MTHFS: variants seen among roughly 807,000 people sequenced by gnomAD.
MTHFS encodes methenyltetrahydrofolate synthetase, also known as 5-formyltetrahydrofolate cyclo-ligase.
Under a neutral mutation model 12.7 loss-of-function variants are expected in MTHFS, and 7 were observed. The observed-to-expected ratio is 0.55, with a 90% CI of 0.31 to 1.03. MTHFS has a LOEUF of 1.03. Among genes scored for constraint, MTHFS ranks in the 50% least tolerant of loss-of-function variants. The pLI, the probability that MTHFS is intolerant of heterozygous loss-of-function variation, is 0.05. For missense variants in MTHFS, 252 were observed against 258.1 expected, an observed-to-expected ratio of 0.98 and a Z score of 0.16; for synonymous variants, 100 against 97.1, an observed-to-expected ratio of 1.03 and a Z score of -0.18.
At chr15:79,869,659 C>T (rs2034069942) in intron 2 of MTHFS, among the ~76,000 whole-genome samples, 1 of 152,124 alleles carries the variant, frequency 6.6e-6, no homozygotes, top group Non-Finnish European at 1.5e-5. Flanking sequence ...GTCTTAAATT[C>T]CTGGGCTCAA....
intron 1 of MTHFS, among the ~76,000 whole-genome samples, chr15:79,893,337 G>A (rs1729437665): frequency 6.6e-6 from 1 of 151,510 alleles, no homozygotes; most frequent in East Asian, 2.0e-4. Flanking sequence ...GGGAGGCGAA[G>A]GTTGCAGTGA....
intron 1 of MTHFS, among the ~76,000 whole-genome samples, chr15:79,893,706 A>AG (rs2034515956): frequency 6.6e-6 from 1 of 151,840 alleles, no homozygotes; most frequent in African/African-American, 2.4e-5. Flanking sequence ...TCAAAAAAAA[A>AG]AAAAAAAGGA....
At chr15:79,874,277 G>A (rs896764341) in intron 2 of MTHFS, among the ~76,000 whole-genome samples, 1 of 151,926 alleles carries the variant, frequency 6.6e-6, no homozygotes, top group African/African-American at 2.4e-5. Flanking sequence ...TTTATTCTCT[G>A]TAAGAACAGT....
chr15:79,885,101 C>A (rs1459408309), intron 2 of MTHFS, among the ~76,000 whole-genome samples: 1 of 152,126 alleles, frequency 6.6e-6, no homozygotes, highest in Non-Finnish European at 1.5e-5. Context: ...CGCCATGCAA[C>A]CCTAACAAAG....
At chr15:79,882,571 A>G (rs915407270) in intron 2 of MTHFS, among the ~76,000 whole-genome samples, 8 of 152,218 alleles carry the variant, frequency 5.3e-5, no homozygotes, top group Non-Finnish European at 1.0e-4. Context: ...AGGGCCCAGC[A>G]GCTACCTCAG....
chr15:79,849,108 AC>A (rs1447964326), intron 2 of MTHFS, among the ~76,000 whole-genome samples: 4 of 152,214 alleles, frequency 2.6e-5, no homozygotes, highest in Admixed American at 6.5e-5. Flanking sequence ...AGGCTCGGAA[AC>A]AGCCCTTCCT....
intron 2 of MTHFS, among the ~76,000 whole-genome samples, chr15:79,868,035 T>G (rs1312907312): frequency 6.6e-6 from 1 of 152,208 alleles, no homozygotes; most frequent in Non-Finnish European, 1.5e-5. Context: ...TTTTTTATTT[T>G]GAGCGAGGTC....
chr15:79,854,500 T>C (rs559207207), intron 2 of MTHFS, among the ~76,000 whole-genome samples: 33 of 152,282 alleles, frequency 2.2e-4, no homozygotes, highest in African/African-American at 7.7e-4. Flanking sequence ...ACTAAGCAAG[T>C]AGAAAAGATA....
rs114216537 is a variant in MTHFS at position 79,886,401 on chromosome 15, C to T, written c.379+2692G>A. ...CAAACATTTCTATAAACAACAACAG[C>T]GAGCTTTGACCCCAGACTGAAGTTT... On this transcript the variant is annotated intron_variant, in intron 2 of 2. Coordinates refer to ENST00000258874, the MANE Select transcript of MTHFS (RefSeq NM_006441.4). 3.3e-3 allele frequency among the ~76,000 whole-genome samples: 501 copies of T among 152,288 alleles called. 4 individuals carry two copies. Among genetic ancestry groups the T allele is most frequent in the African/African-American group, 0.012 (479 of 41,558 alleles).
At chr15:79,861,883 A>C (rs1279288483) in intron 2 of MTHFS, among the ~76,000 whole-genome samples, 1 of 152,220 alleles carries the variant, frequency 6.6e-6, no homozygotes, top group East Asian at 1.9e-4. Flanking sequence ...AAGGATACAA[A>C]TATATATATC....
chr15:79,846,816 A>G (rs1164028984), intron 2 of MTHFS, among the ~76,000 whole-genome samples: 1 of 152,208 alleles, frequency 6.6e-6, no homozygotes, highest in Non-Finnish European at 1.5e-5. Context: ...TTCTGTTGCC[A>G]GAGCACCATC....
chr15:79,882,021 C>CA (rs1462067460), intron 2 of MTHFS, among the ~76,000 whole-genome samples: 1 of 152,202 alleles, frequency 6.6e-6, no homozygotes, highest in African/African-American at 2.4e-5. Flanking sequence ...AAAATGCCTA[C>CA]AATGGCATGT....
intron 2 of MTHFS, among the ~76,000 whole-genome samples, chr15:79,863,619 G>A (rs921434186): frequency 5.3e-5 from 8 of 152,136 alleles, no homozygotes; most frequent in African/African-American, 1.9e-4. Flanking sequence ...ACCTTCCCTG[G>A]TAGTTATGTA....
chr15:79,868,806 CTT>C (rs779907066), intron 2 of MTHFS, among the ~76,000 whole-genome samples: 30 of 152,212 alleles, frequency 2.0e-4, no homozygotes, highest in Non-Finnish European at 4.1e-4. Context: ...AGACAGCAGA[CTT>C]TGAGACTTCT....
At position 79,896,932 on chromosome 15, in the gene MTHFS, C is replaced by G; in HGVS notation, c.57G>C (p.Gln19His). 1 of 1,540,550 alleles carries G rather than the reference C, an allele frequency of 6.5e-7. No individual in the cohort carries two copies. The highest frequency in any genetic ancestry group is 8.7e-7 in the Non-Finnish European group (1 of 1,146,028). The change falls in exon 1 of 3, where the codon CAG becomes CAC. Residue 19 changes from glutamine to histidine, a missense_variant. Physicochemically the swap from Gln to His is conservative, Grantham distance 24. Transcript: ENST00000258874. ...AKRSLRGELKQRLRAMSAEER... is the reference protein window; with the variant it reads ...AKRSLRGELKHRLRAMSAEER... The stretch of plus-strand genomic sequence containing the variant: ...CCTCGGCACTCATCGCCCGCAGACG[C>G]TGCTTCAGCTCTCCCCGCAGGCTCC...
At chr15:79,857,017 C>G in intron 2 of MTHFS, among the ~76,000 whole-genome samples, 1 of 138,880 alleles carries the variant, frequency 7.2e-6, no homozygotes. Flanking sequence ...TTTTTTGAGA[C>G]AGAGTTTCGC....
At chr15:79,855,549 G>A (rs761100141) in intron 2 of MTHFS, among the ~76,000 whole-genome samples, 30 of 152,244 alleles carry the variant, frequency 2.0e-4, no homozygotes, top group South Asian at 1.5e-3. Context: ...AGGGGTACAT[G>A]TGCAGGTTTG....
chr15:79,874,368 A>G lies in MTHFS; in HGVS notation c.379+14725T>C, dbSNP rs577746999. On this transcript the variant is annotated intron_variant, in intron 2 of 2. Transcript: ENST00000258874. Reference sequence around the variant, plus strand: ...GGTAGACTTGAAAATCAACAGCCTTACAACTAAAATAGCTGTGACAACCAC... The same window carrying G: ...GGTAGACTTGAAAATCAACAGCCTTGCAACTAAAATAGCTGTGACAACCAC... 1.6e-4 allele frequency among the ~76,000 whole-genome samples: 25 copies of G among 152,196 alleles called. No individual in the cohort carries two copies. The East Asian group carries it at 4.6e-3, about 28-fold the overall frequency.
In MTHFS at chr15:79,865,229, T is replaced by C. The variant is rs1331167295; in HGVS notation, c.380-19787A>G. Among the ~76,000 whole-genome samples the C allele has an allele frequency of 2.0e-5, 3 of 152,338 alleles. No homozygotes were observed. In the East Asian group the frequency reaches 5.8e-4, roughly 29 times the overall value. On this transcript the variant is annotated intron_variant, in intron 2 of 2. Coordinates refer to ENST00000258874, the MANE Select transcript of MTHFS (RefSeq NM_006441.4). ...ACCTGAACTTGTAAAACTGTCATTATTTAAATATAAGTCTTAAAATTCAAG... is the reference window on the plus strand; with the variant it reads ...ACCTGAACTTGTAAAACTGTCATTACTTAAATATAAGTCTTAAAATTCAAG...
Sources: allele counts gnomAD v4.1 joint callset (sites outside exome capture counted in the v4.1 genomes callset), GRCh38; gene constraint gnomAD v4.1.1; transcripts MANE v1.5; gene names NCBI Gene and HGNC (gene_info 2026-07-23, HGNC 2026-07-21).